ASCC2: variants seen among roughly 807,000 people sequenced by gnomAD.
The protein encoded by ASCC2 is ASC-1 complex subunit P100.
A neutral mutation model predicts 93.5 loss-of-function variants in ASCC2; 42 were observed. The ratio of observed to expected loss-of-function variants is 0.45; its 90% CI spans 0.35 to 0.58. ASCC2 has a LOEUF of 0.58. Ranked by LOEUF, ASCC2 falls within the 20% of genes least tolerant of loss-of-function variation. ASCC2 has a pLI of 0.00. For missense variants in ASCC2, 859 were observed against 977.6 expected (o/e 0.88, Z 1.62); for synonymous variants, 364 against 384.2 (o/e 0.95, Z 0.62).
intron 15 of ASCC2, among the ~76,000 whole-genome samples, chr22:29,794,471 G>A (rs2058176411): frequency 2.0e-5 from 3 of 152,090 alleles, no homozygotes; most frequent in Middle Eastern, 3.4e-3. Context: ...CAGCCTGGGC[G>A]ACAGTGCAAG....
Position 29,838,225 on chromosome 22 carries a change from G to GCCGCCT in ASCC2, c.-66_-65insAGGCGG. 1 of 467,400 alleles carries GCCGCCT rather than the reference G, an allele frequency of 2.1e-6. No individual in the cohort carries two copies. The highest frequency in any genetic ancestry group is 4.3e-6 in the Non-Finnish European group (1 of 232,218). 29.0% of individuals were successfully genotyped at this position (467,400 alleles called of 1,614,324 possible). A position where few individuals can be genotyped will look rare whatever the true frequency, so the allele number is the denominator to read the frequency against. On this transcript the variant is annotated 5_prime_UTR_variant, in exon 1 of 20. Coordinates refer to ENST00000307790, the MANE Select transcript of ASCC2 (RefSeq NM_032204.5). ...CTGTGCCGCCGCCGCCGCCGCCGCC[G>GCCGCCT]CCGACCACGGTGACAGCTCCCTGAG...
intron 16 of ASCC2, 22 bp downstream of exon 16, chr22:29,793,555 A>G: frequency 6.2e-7 from 1 of 1,613,644 alleles, no homozygotes; most frequent in Non-Finnish European, 8.5e-7. Context: ...GGCCCAGCAG[A>G]GACCTGGCCT....
intron 2 of ASCC2, among the ~76,000 whole-genome samples, chr22:29,827,896 T>C (rs112030798): frequency 5.1e-5 from 4 of 78,048 alleles, no homozygotes; most frequent in African/African-American, 2.0e-4. Context: ...TACTCATTCT[T>C]CTGACACACA....
intron 5 of ASCC2, among the ~76,000 whole-genome samples, chr22:29,821,121 G>A (rs934598293): frequency 7.0e-4 from 107 of 152,270 alleles, no homozygotes; most frequent in Non-Finnish European, 7.3e-5. Flanking sequence ...CGCTCCCTCT[G>A]TAACGTCCCA....
At chr22:29,817,790 T>A (rs2148042866) in intron 5 of ASCC2, among the ~76,000 whole-genome samples, 1 of 152,296 alleles carries the variant, frequency 6.6e-6, no homozygotes, top group East Asian at 1.9e-4. Context: ...GATGTAACTT[T>A]TGATCTCCTA....
At chr22:29,799,849 A>G (rs2058872276) in intron 15 of ASCC2, among the ~76,000 whole-genome samples, 2 of 152,264 alleles carry the variant, frequency 1.3e-5, no homozygotes, top group Middle Eastern at 3.4e-3. Context: ...GTACAGTGGC[A>G]CGATCACAGC....
Position 29,793,641 on chromosome 22 carries a change from T to C in ASCC2, c.1724A>G (p.Asn575Ser), listed in dbSNP as rs1296369617. ...CTGTGCCGCCACTGCACGCTTGTCG[T>C]TCAGCAAACTCCGCGTGTTTTCCTC... The part of the protein sequence containing the change: ...RKEENTRSLL[N>S]DKRAVAAQRQ... Residue 575 changes from asparagine to serine, a missense_variant, in exon 16 of 20, where the codon AAC (asparagine) becomes AGC (serine). Asn to Ser is a conservative substitution (Grantham distance 46). Transcript: ENST00000307790. The C allele has an allele frequency of 2.5e-6, 4 of 1,594,738 alleles. No homozygotes were observed. Among genetic ancestry groups the C allele is most frequent in the Non-Finnish European group, 3.4e-6 (4 of 1,171,316 alleles).
At chr22:29,828,302 G>C (rs1229120509) in intron 2 of ASCC2, among the ~76,000 whole-genome samples, 1 of 152,200 alleles carries the variant, frequency 6.6e-6, no homozygotes, top group Non-Finnish European at 1.5e-5. Context: ...TGGTGCAAAT[G>C]AAAGCTGCCA....
chr22:29,814,802 A>G, intron 6 of ASCC2, 35 bp from the exon 7 acceptor site: 2 of 1,571,856 alleles, frequency 1.3e-6, no homozygotes, highest in Non-Finnish European at 1.7e-6. Context: ...CTCACATCAT[A>G]CTGAACCAGG....
intron 5 of ASCC2, among the ~76,000 whole-genome samples, chr22:29,818,103 A>G (rs903793436): frequency 7.8e-5 from 9 of 114,828 alleles, no homozygotes; most frequent in African/African-American, 1.1e-4. Flanking sequence ...GATTGCTTGG[A>G]AAAAAAAAAA....
chr22:29,826,957 G>A (rs942220897), intron 2 of ASCC2, among the ~76,000 whole-genome samples: 2 of 151,808 alleles, frequency 1.3e-5, no homozygotes, highest in Admixed American at 6.6e-5. Context: ...AATTAGCCGG[G>A]CATGGTGGCG....
Position 29,800,993 on chromosome 22 carries a change from C to A in ASCC2, c.1686G>T (p.Lys562Asn). The A allele has an allele frequency of 6.3e-7, 1 of 1,594,334 alleles. No individual in the cohort carries two copies. Among genetic ancestry groups the A allele is most frequent in the South Asian group, 1.1e-5 (1 of 90,240 alleles). ...SVDLSRVHKG[K>N]STRKEENTRS... Reference sequence around the variant, plus strand: ...ACCCCATGGCCCACTGCACTCACCTCTTGCCCTTGTGCACCCGGCTCAGGT... The same window carrying A: ...ACCCCATGGCCCACTGCACTCACCTATTGCCCTTGTGCACCCGGCTCAGGT... Residue 562 changes from lysine to asparagine, a missense_variant and splice_region_variant, in exon 15 of 20, where the codon AAG becomes AAT. Transcript: ENST00000307790.
rs1019112223 is a variant in ASCC2 at position 29,825,950 on chromosome 22, C to T, written c.82-170G>A. 1.7e-5 allele frequency: 11 copies of T among 648,366 alleles called. No homozygotes were observed. Among genetic ancestry groups the T allele is most frequent in the Admixed American group, 1.7e-4 (5 of 29,912 alleles). 40.2% of individuals were successfully genotyped at this position (648,366 alleles called of 1,614,324 possible). On this transcript the variant is annotated intron_variant, in intron 2 of 19. Coordinates refer to ENST00000307790, the MANE Select transcript of ASCC2 (RefSeq NM_032204.5). This position sits in a 1 kb window ranked among gnomAD's most constrained non-coding sequence, Gnocchi z 4.9. ...ACAAAGAGGGCATGGTTGCATTCAGCGAACACTAGGCGGTAATTAAAATCC... is the reference window on the plus strand; with the variant it reads ...ACAAAGAGGGCATGGTTGCATTCAGTGAACACTAGGCGGTAATTAAAATCC...
chr22:29,789,474 G>A lies in ASCC2; in HGVS notation c.2103-290C>T, dbSNP rs142204772. On this transcript the variant is annotated intron_variant, in intron 19 of 19. Transcript: ENST00000307790. The stretch of plus-strand genomic sequence containing the variant: ...AGAGCTGACACAGCCTACAGGAGAC[G>A]GGGAGGGCTTCAGGTGGGTCTCCTC... Among the ~76,000 whole-genome samples, 611 of 152,320 alleles carry A rather than the reference G, an allele frequency of 4.0e-3. 5 individuals are homozygous for A. The highest frequency in any genetic ancestry group is 0.014 in the African/African-American group (595 of 41,574).
chr22:29,810,962 C>A (rs954482179), intron 8 of ASCC2, among the ~76,000 whole-genome samples: 2 of 152,114 alleles, frequency 1.3e-5, no homozygotes, highest in African/African-American at 4.8e-5. Flanking sequence ...AACTCCTGAC[C>A]CCAAGTGGTC....
At chr22:29,821,138 TTC>T (rs2061507448) in intron 5 of ASCC2, among the ~76,000 whole-genome samples, 1 of 152,154 alleles carries the variant, frequency 6.6e-6, no homozygotes, top group Non-Finnish European at 1.5e-5. Context: ...CCCACAGTGC[TTC>T]TGTTTCTCTT....
At chr22:29,791,822 T>C (rs2057784734) in intron 18 of ASCC2, among the ~76,000 whole-genome samples, 1 of 149,140 alleles carries the variant, frequency 6.7e-6, no homozygotes, top group African/African-American at 2.6e-5. Context: ...GAGGAGCCCC[T>C]GAGGCAGGGC....
At position 29,792,455 on chromosome 22, in the gene ASCC2, T is replaced by C. The variant is rs760734776; in HGVS notation, c.2000A>G (p.Asp667Gly). The change falls in exon 18 of 20, where the codon GAT becomes GGT. Residue 667 changes from aspartate (D) to glycine (G), a missense_variant. Physicochemically the swap from Asp to Gly is moderately conservative, Grantham distance 94. Transcript: ENST00000307790. Reference protein sequence around the residue: ...QEEDDDDEEDDADEEAPKPDH... With the variant: ...QEEDDDDEEDGADEEAPKPDH... ...TACCTTGGGAGCCTCCTCGTCAGCA[T>C]CGTCTTCCTCATCGTCGTCATCCTC... 1.9e-6 allele frequency: 3 copies of C among 1,614,018 alleles called. No homozygotes were observed. Among genetic ancestry groups the C allele is most frequent in the East Asian group, 2.2e-5 (1 of 44,870 alleles).
intron 1 of ASCC2, among the ~76,000 whole-genome samples, chr22:29,836,013 T>C (rs888575034): frequency 6.6e-6 from 1 of 151,982 alleles, no homozygotes; most frequent in Non-Finnish European, 1.5e-5. Context: ...TGTGTGGCTT[T>C]GGGTCGGGTG....
Sources: gnomAD v4.1 joint callset for allele counts (sites outside exome capture counted in the v4.1 genomes callset) on GRCh38, gnomAD v4.1.1 for gene constraint, Gnocchi (gnomAD v3.1) non-coding constraint, MANE v1.5 for transcripts, NCBI Gene and HGNC (gene_info 2026-07-23, HGNC 2026-07-21) for gene names.